COP1: variants seen among roughly 807,000 people sequenced by gnomAD.
COP1 encodes COP1 E3 ubiquitin ligase, also known as E3 ubiquitin-protein ligase COP1.
A neutral mutation model predicts 101.3 loss-of-function variants in COP1; 24 were observed. That is an observed-to-expected ratio of 0.24 (90% CI 0.17 to 0.33). The LOEUF (loss-of-function observed/expected upper bound fraction) is 0.33. Ranked by LOEUF, COP1 falls within the 10% of genes least tolerant of loss-of-function variation. COP1 has a pLI of 1.00. For missense variants in COP1, 663 were observed against 906.2 expected, an observed-to-expected ratio of 0.73 and a Z score of 3.45; for synonymous variants, 347 against 341.9, an observed-to-expected ratio of 1.01 and a Z score of -0.17.
At chr1:176,055,876 T>G (rs1673386845) in intron 11 of COP1, among the ~76,000 whole-genome samples, 1 of 152,204 alleles carries the variant, frequency 6.6e-6, no homozygotes, top group South Asian at 2.1e-4. Flanking sequence ...CTTTCTCTAA[T>G]TTCTTTGCTT....
chr1:176,081,019 A>C, intron 11 of COP1, 133 bp downstream of exon 11: 1 of 789,288 alleles, frequency 1.3e-6, no homozygotes, highest in Non-Finnish European at 2.0e-6. Flanking sequence ...AACTTGCCTA[A>C]AATCACAGAA....
At chr1:176,103,902 G>A (rs1683864014) in intron 9 of COP1, among the ~76,000 whole-genome samples, 1 of 152,016 alleles carries the variant, frequency 6.6e-6, no homozygotes, top group East Asian at 1.9e-4. Context: ...ATACCAAGAA[G>A]CTTTTTTAGG....
At chr1:176,127,393 C>G (rs1688174441) in intron 8 of COP1, among the ~76,000 whole-genome samples, 1 of 152,138 alleles carries the variant, frequency 6.6e-6, no homozygotes, top group Non-Finnish European at 1.5e-5. Flanking sequence ...ATACTATGCT[C>G]TACTTGTATG....
At chr1:175,971,004 G>A (rs1451848922) in intron 18 of COP1, among the ~76,000 whole-genome samples, 3 of 151,948 alleles carry the variant, frequency 2.0e-5, no homozygotes, top group South Asian at 2.1e-4. Flanking sequence ...GGAAGGGGAA[G>A]GAACAGAAAT....
At chr1:176,041,595 C>T (rs988665882) in intron 14 of COP1, among the ~76,000 whole-genome samples, 11 of 152,078 alleles carry the variant, frequency 7.2e-5, no homozygotes, top group East Asian at 5.8e-4. Context: ...GTGATCCACC[C>T]GCCTCAATCT....
intron 11 of COP1, among the ~76,000 whole-genome samples, chr1:176,079,903 G>A (rs1483788713): frequency 6.6e-6 from 1 of 151,902 alleles, no homozygotes; most frequent in Non-Finnish European, 1.5e-5. Flanking sequence ...TGCAGTTGTA[G>A]TCCCAGCTAC....
chr1:176,087,420 C>T (rs1680424475), intron 9 of COP1, among the ~76,000 whole-genome samples: 1 of 152,044 alleles, frequency 6.6e-6, no homozygotes, highest in African/African-American at 2.4e-5. Context: ...GAGAAAAAAT[C>T]AACCCCATCA....
In COP1 at chr1:176,008,049, C is replaced by T. The variant is rs527401536; in HGVS notation, c.1730-18570G>A. Among the ~76,000 whole-genome samples the T allele has an allele frequency of 1.6e-4, 25 of 152,134 alleles. 1 individual carries two copies. The highest frequency in any genetic ancestry group is 3.2e-4 in the Non-Finnish European group (22 of 68,016). ...AGGTGCGGGATATAATCTCGTGGTG[C>T]GCCGTTTTTTAAGCCGGTCGGAAAA... On this transcript the variant is annotated intron_variant, in intron 15 of 19. Coordinates refer to ENST00000367669, the MANE Select transcript of COP1 (RefSeq NM_022457.7).
chr1:176,094,693 C>A (rs1182511716), intron 9 of COP1, among the ~76,000 whole-genome samples: 2 of 150,104 alleles, frequency 1.3e-5, no homozygotes, highest in Admixed American at 6.6e-5. Context: ...AAAAAGTCCT[C>A]AAATAAATGC....
At chr1:176,141,897 A>T (rs1558191733) in intron 6 of COP1, among the ~76,000 whole-genome samples, 1 of 151,314 alleles carries the variant, frequency 6.6e-6, no homozygotes, top group East Asian at 1.9e-4. Flanking sequence ...TGCTCCACGA[A>T]TTTTTTTTTA....
In COP1 at chr1:175,989,355, T is replaced by C; in HGVS notation, c.1847+7A>G. On this transcript the variant is annotated splice_region_variant and intron_variant, in intron 16 of 19. Coordinates refer to ENST00000367669, the MANE Select transcript of COP1 (RefSeq NM_022457.7). Reference sequence around the variant, plus strand: ...TAAGCTCAACCTCTGAGGAGAGTAATACTCACGCAGAGACAATTTCCTCAC... The same window carrying C: ...TAAGCTCAACCTCTGAGGAGAGTAACACTCACGCAGAGACAATTTCCTCAC... 1 of 1,415,232 alleles carries C rather than the reference T, an allele frequency of 7.1e-7. No homozygotes were observed. Among genetic ancestry groups the C allele is most frequent in the Non-Finnish European group, 1.0e-6 (1 of 998,708 alleles). 87.7% of individuals were successfully genotyped at this position (1,415,232 alleles called of 1,614,324 possible). A position where few individuals can be genotyped will look rare whatever the true frequency, so the allele number is the denominator to read the frequency against.
In COP1 at chr1:176,066,231, T is replaced by G. The variant is rs139668989; in HGVS notation, c.1277+14921A>C. Reference sequence around the variant, plus strand: ...AAAAGCCTCTAAGCCTAGCCATTTCTTTGGGGTTCTCCCTTCTTTTATGAA... The same window carrying G: ...AAAAGCCTCTAAGCCTAGCCATTTCGTTGGGGTTCTCCCTTCTTTTATGAA... On this transcript the variant is annotated intron_variant, in intron 11 of 19. Coordinates refer to ENST00000367669, the MANE Select transcript of COP1 (RefSeq NM_022457.7). Among the ~76,000 whole-genome samples, 134 of 152,336 alleles carry G rather than the reference T, an allele frequency of 8.8e-4. 2 individuals carry two copies. Among genetic ancestry groups the G allele is most frequent in the African/African-American group, 2.7e-3 (114 of 41,584 alleles).
chr1:176,048,890 G>GAT (rs1671982998), intron 11 of COP1, among the ~76,000 whole-genome samples: 7 of 152,182 alleles, frequency 4.6e-5, no homozygotes, highest in African/African-American at 1.7e-4. Context: ...AAAGAATTAA[G>GAT]GGCCGGGCGC....
At chr1:176,041,678 A>C (rs190818815) in intron 14 of COP1, among the ~76,000 whole-genome samples, 1 of 152,194 alleles carries the variant, frequency 6.6e-6, no homozygotes, top group Admixed American at 6.5e-5. Context: ...AAAAAAATAA[A>C]CAGTAGGCCG....
chr1:176,071,385 A>C (rs1428240967), intron 11 of COP1, among the ~76,000 whole-genome samples: 1 of 152,146 alleles, frequency 6.6e-6, no homozygotes, highest in African/African-American at 2.4e-5. Context: ...TCTTCTCTTT[A>C]TAAATTACCC....
chr1:176,004,936 C>T (rs886913452), intron 15 of COP1, among the ~76,000 whole-genome samples: 1 of 151,556 alleles, frequency 6.6e-6, no homozygotes, highest in Non-Finnish European at 1.5e-5. Context: ...GGTACCAGTT[C>T]CTCCTTGTAC....
At chr1:176,191,645 A>T (rs1699126810) in intron 1 of COP1, among the ~76,000 whole-genome samples, 1 of 152,060 alleles carries the variant, frequency 6.6e-6, no homozygotes, top group African/African-American at 2.4e-5. Flanking sequence ...ATAACACTAG[A>T]TCCTCTGAAC....
intron 15 of COP1, among the ~76,000 whole-genome samples, chr1:176,019,663 C>T: frequency 6.6e-6 from 1 of 151,530 alleles, no homozygotes; most frequent in East Asian, 1.9e-4. Context: ...GAAACCAGGA[C>T]CACCCTGGGT....
intron 8 of COP1, among the ~76,000 whole-genome samples, chr1:176,128,288 T>C (rs1300330188): frequency 6.6e-6 from 1 of 152,106 alleles, no homozygotes; most frequent in African/African-American, 2.4e-5. Context: ...TTTCAGAACT[T>C]ACTGAATTTC....
Sources: allele counts gnomAD v4.1 joint callset (sites outside exome capture counted in the v4.1 genomes callset), GRCh38; gene constraint gnomAD v4.1.1; transcripts MANE v1.5; gene names NCBI Gene and HGNC (gene_info 2026-07-23, HGNC 2026-07-21).